Variants in PALD1 observed in about 807,000 individuals in gnomAD.
The protein encoded by PALD1 is phosphatase domain containing paladin 1, also known as paladin.
Under a neutral mutation model 96.0 loss-of-function variants are expected in PALD1, and 57 were observed. The observed-to-expected ratio is 0.59, with a 90% CI of 0.48 to 0.74. PALD1 has a LOEUF of 0.74. Among genes scored for constraint, PALD1 ranks in the 30% least tolerant of loss-of-function variants. The pLI is 0.00. For synonymous variants in PALD1, 464 were observed against 473.6 expected, an observed-to-expected ratio of 0.98 and a Z score of 0.26; for missense variants, 1,063 against 1,143.7, an observed-to-expected ratio of 0.93 and a Z score of 1.02.
At chr10:70,542,855 C>T (rs567832153) in intron 17 of PALD1, among the ~76,000 whole-genome samples, 13 of 152,294 alleles carry the variant, frequency 8.5e-5, no homozygotes, top group African/African-American at 3.1e-4. Flanking sequence ...ATGCTGTTTG[C>T]CGCAGTATAT....
intron 18 of PALD1, among the ~76,000 whole-genome samples, chr10:70,552,872 T>A (rs1301541327): frequency 6.6e-6 from 1 of 152,234 alleles, no homozygotes; most frequent in African/African-American, 2.4e-5. Context: ...AAGTCTCTTT[T>A]AATCTCATAC....
In PALD1 at chr10:70,567,197, T is replaced by G; in HGVS notation, c.*464T>G. 1.3e-5 allele frequency: 2 copies of G among 159,654 alleles called. No homozygotes were observed. The highest frequency in any genetic ancestry group is 2.7e-5 in the Non-Finnish European group (2 of 73,248). 9.9% of individuals were successfully genotyped at this position (159,654 alleles called of 1,614,324 possible). ...TGCTCTGCCATTGCCGCTCCCCTTG[T>G]TGCTGCCCAAGCACTGCCCTCGGGC... On this transcript the variant is annotated 3_prime_UTR_variant, in exon 20 of 20. Transcript: ENST00000263563.
chr10:70,486,132 T>C, intron 1 of PALD1: 1 of 217,602 alleles, frequency 4.6e-6, no homozygotes. Context: ...TTTCCTGTCA[T>C]ATACTTTGAA....
At chr10:70,489,573 G>A (rs61859465) in intron 1 of PALD1, among the ~76,000 whole-genome samples, 16,901 of 152,100 alleles carry the variant, frequency 0.11, 1,078 homozygotes, top group South Asian at 0.18. Flanking sequence ...GGAGGACCTG[G>A]CAGGGAGCTC....
At chr10:70,471,556 G>A in the PALD1 span, among the ~76,000 whole-genome samples, 1 of 152,182 alleles carries the variant, frequency 6.6e-6, no homozygotes, top group African/African-American at 2.4e-5. Context: ...TAAAATAGCT[G>A]CACGGTGTTC....
At chr10:70,522,351 T>C (rs894873167) in intron 1 of PALD1, among the ~76,000 whole-genome samples, 1 of 152,162 alleles carries the variant, frequency 6.6e-6, no homozygotes, top group African/African-American at 2.4e-5. Context: ...TGAGGACCCA[T>C]AGTGGGAGTG....
intron 18 of PALD1, among the ~76,000 whole-genome samples, chr10:70,557,600 TG>T (rs1256459100): frequency 2.6e-5 from 4 of 152,162 alleles, no homozygotes; most frequent in Non-Finnish European, 4.4e-5. Flanking sequence ...CGTCCTGTAC[TG>T]GGGCCCCACC....
At position 70,539,407 on chromosome 10, in the gene PALD1, G is replaced by T. The variant is rs948985088; in HGVS notation, c.1725+160G>T. Among the ~76,000 whole-genome samples, 8 of 152,124 alleles carry T rather than the reference G, an allele frequency of 5.3e-5. No homozygotes were observed. The highest frequency in any genetic ancestry group is 1.7e-4 in the African/African-American group (7 of 41,420). Reference sequence around the variant, plus strand: ...TGGCCAACTCAGGATTCCCACTAAAGTGCTCTGCTAACCTGCTTGGCTTTG... The same window carrying T: ...TGGCCAACTCAGGATTCCCACTAAATTGCTCTGCTAACCTGCTTGGCTTTG... On this transcript the variant is annotated intron_variant, in intron 14 of 19. Transcript: ENST00000263563. This position sits in a 1 kb window ranked among gnomAD's most constrained non-coding sequence, Gnocchi z 4.5.
At position 70,539,072 on chromosome 10, in the gene PALD1, G is replaced by C; in HGVS notation, c.1570-20G>C. ...GGGGAGGGAGGGCTGAGCACTCACTGCCGGCCCTCCTGTGCCCAGGCCCTG... is the reference window on the plus strand; with the variant it reads ...GGGGAGGGAGGGCTGAGCACTCACTCCCGGCCCTCCTGTGCCCAGGCCCTG... On this transcript the variant is annotated intron_variant, in intron 13 of 19. Coordinates refer to ENST00000263563, the MANE Select transcript of PALD1 (RefSeq NM_014431.3). This position sits in a 1 kb window ranked among gnomAD's most constrained non-coding sequence, Gnocchi z 4.5. The C allele has an allele frequency of 6.2e-7, 1 of 1,613,650 alleles. No homozygotes were observed. Among genetic ancestry groups the C allele is most frequent in the Non-Finnish European group, 8.5e-7 (1 of 1,179,756 alleles).
intron 18 of PALD1, among the ~76,000 whole-genome samples, chr10:70,549,400 C>G (rs1451315928): frequency 6.6e-6 from 1 of 152,238 alleles, no homozygotes; most frequent in Non-Finnish European, 1.5e-5. Context: ...TTAGAGAGCC[C>G]CTACCTCCCT....
At position 70,495,534 on chromosome 10, in the gene PALD1, G is replaced by A. The variant is rs79734244; in HGVS notation, c.-30+16475G>A. 4.4e-3 allele frequency among the ~76,000 whole-genome samples: 666 copies of A among 152,120 alleles called. 1 individual carries two copies. The highest frequency in any genetic ancestry group is 5.7e-3 in the Non-Finnish European group (389 of 67,992). The stretch of plus-strand genomic sequence containing the variant: ...GGAGGGGTGTTTGTATTAAGCAGAC[G>A]GGGTTGGAATTACCTGTATTGGCTG... On this transcript the variant is annotated intron_variant, in intron 1 of 19. Transcript: ENST00000263563.
intron 1 of PALD1, among the ~76,000 whole-genome samples, chr10:70,494,059 C>T (rs868536287): frequency 1.3e-5 from 2 of 152,144 alleles, no homozygotes; most frequent in Non-Finnish European, 1.5e-5. Context: ...ACAGCCGCAC[C>T]GGCTAGCTCA....
At chr10:70,484,842 A>G (rs1845991257) in intron 1 of PALD1, among the ~76,000 whole-genome samples, 1 of 152,216 alleles carries the variant, frequency 6.6e-6, no homozygotes, top group Non-Finnish European at 1.5e-5. Flanking sequence ...CCCAGCTGCA[A>G]CTGCCCATTC....
At chr10:70,460,701 T>TG in the PALD1 span, among the ~76,000 whole-genome samples, 4 of 152,162 alleles carry the variant, frequency 2.6e-5, no homozygotes, top group African/African-American at 9.7e-5. Flanking sequence ...AGGAGCTAGA[T>TG]GGGATGGCAT....
At position 70,531,419 on chromosome 10, in the gene PALD1, C is replaced by A; in HGVS notation, c.598C>A (p.Arg200=). 11 of 1,614,008 alleles carry A rather than the reference C, an allele frequency of 6.8e-6. No homozygotes were observed. Among genetic ancestry groups the A allele is most frequent in the Non-Finnish European group, 9.3e-6 (11 of 1,179,944 alleles). The change falls in exon 5 of 20, where the codon CGG becomes AGG. Residue 200 remains arginine (R), a synonymous_variant. Coordinates refer to ENST00000263563, the MANE Select transcript of PALD1 (RefSeq NM_014431.3). ...CCTCCAGGGCCTTGGACCCGGGGTCCGGGTGGAGAGCCTGGAGCTGGCCAT... is the reference window on the plus strand; with the variant it reads ...CCTCCAGGGCCTTGGACCCGGGGTCAGGGTGGAGAGCCTGGAGCTGGCCAT... ...ENLQGLGPGV[R]VESLELAIRK... is the part of the protein sequence containing the mutation.
chr10:70,471,687 T>C, the PALD1 span, among the ~76,000 whole-genome samples: 1 of 152,380 alleles, frequency 6.6e-6, no homozygotes, highest in East Asian at 1.9e-4. Context: ...TTTGCACACA[T>C]GCAAGCACAT....
intron 17 of PALD1, among the ~76,000 whole-genome samples, chr10:70,545,246 G>T (rs1186994413): frequency 6.6e-6 from 1 of 152,122 alleles, no homozygotes; most frequent in Admixed American, 6.5e-5. Context: ...GTGGTGCGGG[G>T]AGCCTTTAGA....
rs192145601 is a variant in PALD1 at position 70,560,320 on chromosome 10, G to C, written c.2263-4044G>C. Among the ~76,000 whole-genome samples the C allele has an allele frequency of 2.6e-4, 39 of 152,266 alleles. 1 individual carries two copies. The highest frequency in any genetic ancestry group is 7.7e-4 in the African/African-American group (32 of 41,540). ...GTGGTGGGCTTGACTGTGGCCAAGTGGGGGAGGGTGGTAGGAAGAGCTGGG... is the reference window on the plus strand; with the variant it reads ...GTGGTGGGCTTGACTGTGGCCAAGTCGGGGAGGGTGGTAGGAAGAGCTGGG... On this transcript the variant is annotated intron_variant, in intron 18 of 19. Transcript: ENST00000263563.
chr10:70,473,894 C>A (rs560904291), upstream of PALD1, among the ~76,000 whole-genome samples: 2 of 9,380 alleles, frequency 2.1e-4, no homozygotes, highest in African/African-American at 2.9e-4. Context: ...GTGATCCACC[C>A]CCCCCCCCTC....
Sources: gnomAD v4.1 joint callset for allele counts (sites outside exome capture counted in the v4.1 genomes callset) on GRCh38, gnomAD v4.1.1 for gene constraint, Gnocchi (gnomAD v3.1) non-coding constraint, MANE v1.5 for transcripts, NCBI Gene and HGNC (gene_info 2026-07-23, HGNC 2026-07-21) for gene names.